The following NEGR1 variants were observed in gnomAD, a reference collection of about 807,000 sequenced individuals.
The protein encoded by NEGR1 is IgLON family member 4.
Under a neutral mutation model 40.9 loss-of-function variants are expected in NEGR1, and 10 were observed. That is an observed-to-expected ratio of 0.24 (90% CI 0.15 to 0.42). NEGR1 has a LOEUF of 0.42. Ranked by LOEUF, NEGR1 falls within the 10% of genes least tolerant of loss-of-function variation. The probability of loss-of-function intolerance (pLI) is 1.00; values close to 1 mark genes in which losing one functional copy is unlikely to be tolerated. For missense variants in NEGR1, 352 were observed against 438.9 expected (o/e 0.80, Z 1.77); for synonymous variants, 185 against 166.8 (o/e 1.11, Z -0.84).
intron 6 of NEGR1, among the ~76,000 whole-genome samples, chr1:71,432,509 A>C (rs1387450902): frequency 1.3e-5 from 2 of 152,162 alleles, no homozygotes; most frequent in Admixed American, 6.5e-5. Context: ...AGGCTCTAGA[A>C]GGGACTTTTC....
chr1:71,785,359 G>A (rs577904902), intron 2 of NEGR1, among the ~76,000 whole-genome samples: 1 of 152,050 alleles, frequency 6.6e-6, no homozygotes, highest in Non-Finnish European at 1.5e-5. Context: ...GGGTATCCTA[G>A]TGAAGTATAA....
chr1:71,633,727 G>A lies in NEGR1; in HGVS notation c.668-22581C>T, dbSNP rs1050142003. 2.0e-5 allele frequency among the ~76,000 whole-genome samples: 3 copies of A among 152,226 alleles called. No homozygotes were observed. In the East Asian group the frequency reaches 5.8e-4, roughly 30 times the overall value. ...TTTGCAAGTACATGAGAGGAAATGG[G>A]CATTTATAGATTGGCCCCTTCGCTT... is the stretch of plus-strand genomic sequence containing the variant. On this transcript the variant is annotated intron_variant, in intron 4 of 6. Coordinates refer to ENST00000357731, the MANE Select transcript of NEGR1 (RefSeq NM_173808.3).
chr1:71,783,929 T>A (rs1179043665), intron 2 of NEGR1, among the ~76,000 whole-genome samples: 1 of 152,074 alleles, frequency 6.6e-6, no homozygotes, highest in East Asian at 1.9e-4. Context: ...GGAGTCCATG[T>A]CTAAAGAGTT....
intron 1 of NEGR1, among the ~76,000 whole-genome samples, chr1:71,959,931 A>G (rs1390847835): frequency 2.6e-5 from 4 of 152,178 alleles, no homozygotes; most frequent in African/African-American, 7.2e-5. Context: ...GAAATATTCA[A>G]TATATCTTAT....
At chr1:72,151,618 G>A (rs1156322913) in intron 1 of NEGR1, among the ~76,000 whole-genome samples, 1 of 151,636 alleles carries the variant, frequency 6.6e-6, no homozygotes, top group Admixed American at 6.6e-5. Flanking sequence ...AAATTTACTG[G>A]AAGTTTCAGT....
chr1:72,117,427 A>AT (rs1649625037), intron 1 of NEGR1, among the ~76,000 whole-genome samples: 2 of 151,864 alleles, frequency 1.3e-5, no homozygotes, highest in Non-Finnish European at 2.9e-5. Flanking sequence ...GAATACAGCT[A>AT]TAAGGTAAAC....
intron 2 of NEGR1, among the ~76,000 whole-genome samples, chr1:71,908,015 G>A (rs1661324232): frequency 6.6e-6 from 1 of 152,072 alleles, no homozygotes; most frequent in African/African-American, 2.4e-5. Flanking sequence ...TGGGAAGAAA[G>A]GAGGGGAGCA....
At chr1:72,230,449 A>G (rs1238040076) in intron 1 of NEGR1, among the ~76,000 whole-genome samples, 1 of 152,114 alleles carries the variant, frequency 6.6e-6, no homozygotes, top group Non-Finnish European at 1.5e-5. Flanking sequence ...ACAGGTTTCA[A>G]ATTCATTTCA....
intron 1 of NEGR1, among the ~76,000 whole-genome samples, chr1:72,021,615 T>G (rs1646757269): frequency 6.6e-6 from 1 of 152,082 alleles, no homozygotes; most frequent in African/African-American, 2.4e-5. Context: ...TTGAAAAACT[T>G]TATAACAACA....
At chr1:71,716,156 A>T (rs551056083) in intron 3 of NEGR1, among the ~76,000 whole-genome samples, 3 of 152,248 alleles carry the variant, frequency 2.0e-5, no homozygotes, top group Admixed American at 6.5e-5. Flanking sequence ...GAAATGCCAG[A>T]TGTTTATAAA....
chr1:72,034,946 A>G (rs578191315), intron 1 of NEGR1, among the ~76,000 whole-genome samples: 1 of 152,216 alleles, frequency 6.6e-6, no homozygotes, highest in East Asian at 1.9e-4. Context: ...GGTACATTCA[A>G]TATGGCAGTT....
chr1:72,280,437 G>T (rs1393838979), intron 1 of NEGR1, among the ~76,000 whole-genome samples: 4 of 152,172 alleles, frequency 2.6e-5, no homozygotes, highest in African/African-American at 9.7e-5. Flanking sequence ...ACATATTGCA[G>T]CTCCCATGAT....
At chr1:72,113,045 T>A (rs546175887) in intron 1 of NEGR1, among the ~76,000 whole-genome samples, 80 of 151,910 alleles carry the variant, frequency 5.3e-4, no homozygotes, top group Middle Eastern at 3.4e-3. Context: ...ATTTATTTAT[T>A]CTCCAGCAAC....
At chr1:71,999,842 C>T (rs1033156361) in intron 1 of NEGR1, among the ~76,000 whole-genome samples, 3 of 150,868 alleles carry the variant, frequency 2.0e-5, no homozygotes, top group African/African-American at 7.3e-5. Context: ...ACTTTATTTA[C>T]TTTGTCACAG....
intron 1 of NEGR1, among the ~76,000 whole-genome samples, chr1:72,067,996 A>C (rs1257820671): frequency 6.6e-6 from 1 of 152,188 alleles, no homozygotes; most frequent in Non-Finnish European, 1.5e-5. Context: ...CCATACTGCA[A>C]AGGAAAATAA....
At chr1:71,519,902 G>C (rs1470257677) in intron 6 of NEGR1, among the ~76,000 whole-genome samples, 1 of 151,986 alleles carries the variant, frequency 6.6e-6, no homozygotes, top group African/African-American at 2.4e-5. Context: ...CCTGAGACTA[G>C]GTGTGTGTAC....
chr1:71,910,753 A>T (rs1038997219), intron 2 of NEGR1, among the ~76,000 whole-genome samples: 2 of 152,136 alleles, frequency 1.3e-5, no homozygotes, highest in Admixed American at 6.6e-5. Flanking sequence ...GCTGGAGTGC[A>T]GCGGGACAAT....
intron 6 of NEGR1, among the ~76,000 whole-genome samples, chr1:71,441,522 G>T (rs2101312745): frequency 6.6e-6 from 1 of 152,278 alleles, no homozygotes; most frequent in East Asian, 1.9e-4. Flanking sequence ...AATGAGGCTG[G>T]ATGATGAGTG....
At chr1:71,629,825 TAA>T (rs1650915077) in intron 4 of NEGR1, among the ~76,000 whole-genome samples, 1 of 151,954 alleles carries the variant, frequency 6.6e-6, no homozygotes, top group Non-Finnish European at 1.5e-5. Context: ...TCAATAGAGT[TAA>T]ATCCAATAAG....
Sources: allele counts gnomAD v4.1 joint callset (sites outside exome capture counted in the v4.1 genomes callset), GRCh38; gene constraint gnomAD v4.1.1; transcripts MANE v1.5; gene names NCBI Gene and HGNC (gene_info 2026-07-23, HGNC 2026-07-21).